JPH1: variants seen among roughly 807,000 people sequenced by gnomAD.
JPH1 encodes junctophilin 1, also known as junctophilin-1.
JPH1 carries 12 observed loss-of-function variants against 53.6 expected under a neutral mutation model. That is an observed-to-expected ratio of 0.22 (90% CI 0.14 to 0.36). The LOEUF is 0.36. JPH1 is among the 10% of genes least tolerant of loss of function. The pLI is 1.00. For synonymous variants in JPH1, 375 were observed against 363.8 expected, an observed-to-expected ratio of 1.03 and a Z score of -0.35; for missense variants, 808 against 905.5, an observed-to-expected ratio of 0.89 and a Z score of 1.38.
intron 3 of JPH1, among the ~76,000 whole-genome samples, chr8:74,257,613 C>T (rs1177859077): frequency 6.6e-6 from 1 of 152,164 alleles, no homozygotes; most frequent in Non-Finnish European, 1.5e-5. Context: ...CTCTCACGCC[C>T]TGGAACAGCT....
chr8:74,246,149 C>T (rs1805855268), intron 3 of JPH1, among the ~76,000 whole-genome samples: 2 of 152,114 alleles, frequency 1.3e-5, no homozygotes, highest in South Asian at 4.1e-4. Flanking sequence ...CTTTTCGCCT[C>T]ATAAGGTGAG....
intron 2 of JPH1, among the ~76,000 whole-genome samples, chr8:74,287,920 C>T (rs191934767): frequency 3.3e-5 from 5 of 151,860 alleles, no homozygotes; most frequent in East Asian, 1.9e-4. Context: ...ACATCTATGT[C>T]GTTTTCAATA....
Position 74,254,573 on chromosome 8 carries a change from G to A in JPH1, c.1258+4812C>T, listed in dbSNP as rs1243806942. Among the ~76,000 whole-genome samples, 5 of 152,170 alleles carry A rather than the reference G, an allele frequency of 3.3e-5. 1 individual carries two copies. The highest frequency in any genetic ancestry group is 1.2e-4 in the African/African-American group (5 of 41,454). On this transcript the variant is annotated intron_variant, in intron 3 of 5. Transcript: ENST00000342232. ...ATCAGGCAGGAGAAAGAAATAAAGG[G>A]CATTCAATTAGGAAAAGAGGAAGTC...
In JPH1 at chr8:74,235,687, TAAC is replaced by T. The variant is rs1806978662; in HGVS notation, c.*1361_*1363del. 6.6e-6 allele frequency: 1 copy of T among 152,532 alleles called. No homozygotes were observed. Among genetic ancestry groups the T allele is most frequent in the African/African-American group, 2.4e-5 (1 of 41,420 alleles). 9.4% of individuals were successfully genotyped at this position (152,532 alleles called of 1,614,324 possible). ...TTCTATAAGTAAGCATGCTTCTGAA[TAAC>T]AAAGGGTAAATTATAAAACAGCAAA... On this transcript the variant is annotated 3_prime_UTR_variant, in exon 6 of 6. Transcript: ENST00000342232.
At chr8:74,246,107 C>T (rs530806256) in intron 3 of JPH1, among the ~76,000 whole-genome samples, 4 of 152,144 alleles carry the variant, frequency 2.6e-5, no homozygotes, top group African/African-American at 9.6e-5. Context: ...AAGTCATGTG[C>T]GTACTTTGGC....
chr8:74,274,929 C>G (rs781605879), intron 2 of JPH1, among the ~76,000 whole-genome samples: 1 of 152,110 alleles, frequency 6.6e-6, no homozygotes, highest in Non-Finnish European at 1.5e-5. Context: ...CCTAGCAGAT[C>G]TGGAGGAATT....
At chr8:74,265,212 T>C (rs1200810085) in intron 2 of JPH1, among the ~76,000 whole-genome samples, 1 of 152,222 alleles carries the variant, frequency 6.6e-6, no homozygotes, top group Non-Finnish European at 1.5e-5. Flanking sequence ...AGTGTGTTCA[T>C]GCTCAGGGGA....
intron 1 of JPH1, among the ~76,000 whole-genome samples, chr8:74,316,855 T>A (rs1397346663): frequency 6.6e-6 from 1 of 152,240 alleles, no homozygotes; most frequent in Non-Finnish European, 1.5e-5. Flanking sequence ...AAGTTTCTTT[T>A]CAAAATCAAT....
chr8:74,320,841 C>T lies in JPH1; in HGVS notation c.379+68G>A. The T allele has an allele frequency of 7.0e-7, 1 of 1,423,828 alleles. No individual in the cohort carries two copies. Among genetic ancestry groups the T allele is most frequent in the African/African-American group, 1.5e-5 (1 of 66,738 alleles). 88.2% of individuals were successfully genotyped at this position (1,423,828 alleles called of 1,614,324 possible). Reference sequence around the variant, plus strand: ...GTGCGCCCGGCGTCCTCCCCGCTTCCCCGCAGCCGGGGCAGAGCCCACCGC... The same window carrying T: ...GTGCGCCCGGCGTCCTCCCCGCTTCTCCGCAGCCGGGGCAGAGCCCACCGC... On this transcript the variant is annotated intron_variant, in intron 1 of 5. Coordinates refer to ENST00000342232, the MANE Select transcript of JPH1 (RefSeq NM_020647.4). This position sits in a 1 kb window ranked among gnomAD's most constrained non-coding sequence, Gnocchi z 4.4.
In JPH1 at chr8:74,244,510, C is replaced by T. The variant is rs374579548; in HGVS notation, c.1905+19G>A. 167 of 1,564,596 alleles carry T rather than the reference C, an allele frequency of 1.1e-4. No individual in the cohort carries two copies. Among genetic ancestry groups the T allele is most frequent in the Non-Finnish European group, 1.3e-4 (155 of 1,159,662 alleles). ...ACAAAGGGAAGAAAGAAAGAGAAAA[C>T]GCTACTTGCAGTACTTACTGAATTG... is the stretch of plus-strand genomic sequence containing the variant. On this transcript the variant is annotated intron_variant, in intron 4 of 5. Transcript: ENST00000342232.
intron 2 of JPH1, among the ~76,000 whole-genome samples, chr8:74,271,157 A>G (rs1461137579): frequency 6.6e-6 from 1 of 152,218 alleles, no homozygotes; most frequent in African/African-American, 2.4e-5. Context: ...AGGAATTTCT[A>G]GAGGCCCAAG....
At chr8:74,255,126 G>C (rs903364732) in intron 3 of JPH1, among the ~76,000 whole-genome samples, 2 of 152,052 alleles carry the variant, frequency 1.3e-5, no homozygotes, top group Non-Finnish European at 2.9e-5. Flanking sequence ...GAGGCATCAC[G>C]CTACCTGACT....
Position 74,315,082 on chromosome 8 carries a change from C to T in JPH1, c.918G>A (p.Gly306=). 1 of 1,614,206 alleles carries T rather than the reference C, an allele frequency of 6.2e-7. No homozygotes were observed. The highest frequency in any genetic ancestry group is 8.5e-7 in the Non-Finnish European group (1 of 1,180,042). The stretch of plus-strand genomic sequence containing the variant: ...CATGCCTCTTGTTATTTGCCCACTC[C>T]CCTTCATACTTCATGCCATTGGAGC... ...SERSNGMKYE[G]EWANNKRHGY... is the part of the protein sequence containing the mutation. The change falls in exon 2 of 6, where the codon GGG becomes GGA. Residue 306 remains glycine (G), a synonymous_variant. Coordinates refer to ENST00000342232, the MANE Select transcript of JPH1 (RefSeq NM_020647.4). This position sits in a 1 kb window ranked among gnomAD's most constrained non-coding sequence, Gnocchi z 6.3.
Position 74,237,279 on chromosome 8 carries a change from G to A in JPH1, c.1930C>T (p.Leu644Phe). The A allele has an allele frequency of 6.2e-7, 1 of 1,612,826 alleles. No homozygotes were observed. The highest frequency in any genetic ancestry group is 8.5e-7 in the Non-Finnish European group (1 of 1,179,390). The stretch of plus-strand genomic sequence containing the variant: ...AACCCGATATTCAACAGCATGACAA[G>A]GACAATCATGATTGAATTAGGGCCC... ...NSGPNSIMIVLVMLLNIGLAI... is the reference protein window; with the variant it reads ...NSGPNSIMIVFVMLLNIGLAI... The change falls in exon 5 of 6, where the codon CTT becomes TTT. Residue 644 changes from leucine (L) to phenylalanine (F), a missense_variant. Physicochemically the swap from Leu to Phe is conservative, Grantham distance 22 (BLOSUM62 0). Transcript: ENST00000342232.
intron 2 of JPH1, among the ~76,000 whole-genome samples, chr8:74,285,081 C>T (rs1362391850): frequency 2.0e-5 from 3 of 152,110 alleles, no homozygotes; most frequent in Admixed American, 6.5e-5. Flanking sequence ...CCTCAGCCTC[C>T]CAAAGTGTTG....
chr8:74,244,109 C>G (rs535835354), intron 4 of JPH1, among the ~76,000 whole-genome samples: 22 of 152,300 alleles, frequency 1.4e-4, no homozygotes, highest in Middle Eastern at 3.4e-3. Flanking sequence ...GTGGTGAAAA[C>G]AGGAGAACTA....
chr8:74,291,968 T>C lies in JPH1; in HGVS notation c.1139+22893A>G, dbSNP rs560223523. ...ACATGTTCTCATTCATAGGTGGGAA[T>C]TGAACAATGAGAACACTTGTACACA... On this transcript the variant is annotated intron_variant, in intron 2 of 5. Transcript: ENST00000342232. Among the ~76,000 whole-genome samples the C allele has an allele frequency of 6.8e-4, 103 of 152,204 alleles. No individual in the cohort carries two copies. The South Asian group carries it at 0.017, about 25-fold the overall frequency.
At position 74,321,078 on chromosome 8, in the gene JPH1, G is replaced by A. The variant is rs761156052; in HGVS notation, c.210C>T (p.His70=). Residue 70 remains histidine, a synonymous_variant, in exon 1 of 6, where the codon CAC becomes CAT. Coordinates refer to ENST00000342232, the MANE Select transcript of JPH1 (RefSeq NM_020647.4). This position sits in a 1 kb window ranked among gnomAD's most constrained non-coding sequence, Gnocchi z 4.3. The part of the protein sequence containing the change: ...YQGYWAQGKR[H]GLGVETKGKW... ...TGCCCTTCGTCTCCACCCCCAGCCC[G>A]TGCCGCTTGCCCTGCGCCCAGTAGC... 2.1e-5 allele frequency: 34 copies of A among 1,613,138 alleles called. No homozygotes were observed. Among genetic ancestry groups the A allele is most frequent in the Middle Eastern group, 1.6e-4 (1 of 6,080 alleles).
chr8:74,258,860 A>G (rs944531404), intron 3 of JPH1, among the ~76,000 whole-genome samples: 2 of 152,226 alleles, frequency 1.3e-5, no homozygotes, highest in Admixed American at 6.5e-5. Flanking sequence ...GGAATAACCC[A>G]TCTCCAGGGC....
Sources: allele counts gnomAD v4.1 joint callset (sites outside exome capture counted in the v4.1 genomes callset), GRCh38; gene constraint gnomAD v4.1.1; non-coding constraint Gnocchi (gnomAD v3.1); transcripts MANE v1.5; gene names NCBI Gene and HGNC (gene_info 2026-07-23, HGNC 2026-07-21).